Variants in BMP2K observed in about 807,000 individuals in gnomAD.
BMP2K encodes BMP-2-inducible protein kinase.
BMP2K carries 74 observed loss-of-function variants against 116.0 expected under a neutral mutation model. That is an observed-to-expected ratio of 0.64 (90% CI 0.53 to 0.77). The LOEUF (loss-of-function observed/expected upper bound fraction) is 0.77. BMP2K is among the 30% of genes least tolerant of loss of function. The probability of loss-of-function intolerance (pLI) is 0.00; values close to 1 mark genes in which losing one functional copy is unlikely to be tolerated. For synonymous variants in BMP2K, 486 were observed against 502.5 expected (o/e 0.97, Z 0.44); for missense variants, 1,365 against 1,403.6 (o/e 0.97, Z 0.44).
At chr4:78,861,761 G>A (rs1163592755) in intron 9 of BMP2K, among the ~76,000 whole-genome samples, 1 of 151,790 alleles carries the variant, frequency 6.6e-6, no homozygotes, top group Non-Finnish European at 1.5e-5. Flanking sequence ...TCATCACATA[G>A]CAACTCTAGT....
At chr4:78,823,354 TG>T (rs1729711798) in intron 1 of BMP2K, among the ~76,000 whole-genome samples, 1 of 151,892 alleles carries the variant, frequency 6.6e-6, no homozygotes, top group Non-Finnish European at 1.5e-5. Flanking sequence ...CTACATAACT[TG>T]GTTGTGCATC....
chr4:78,856,607 A>G (rs1731516552), intron 7 of BMP2K, among the ~76,000 whole-genome samples: 1 of 152,046 alleles, frequency 6.6e-6, no homozygotes, highest in Non-Finnish European at 1.5e-5. Context: ...TTTAGGTATG[A>G]TTATTCATCT....
At chr4:78,851,671 C>T (rs1250336154) in intron 7 of BMP2K, among the ~76,000 whole-genome samples, 1 of 151,434 alleles carries the variant, frequency 6.6e-6, no homozygotes, top group Non-Finnish European at 1.5e-5. Context: ...ATGAAGATGG[C>T]AGTTCAACTT....
At chr4:78,817,147 A>G (rs1041830293) in intron 1 of BMP2K, among the ~76,000 whole-genome samples, 1 of 152,240 alleles carries the variant, frequency 6.6e-6, no homozygotes, top group Non-Finnish European at 1.5e-5. Context: ...TAAGCAGAAG[A>G]TAAAATACAT....
chr4:78,864,853 T>G (rs1432106712), intron 9 of BMP2K, among the ~76,000 whole-genome samples: 1 of 152,204 alleles, frequency 6.6e-6, no homozygotes. Flanking sequence ...GATAAATATA[T>G]AAATATTTTA....
intron 1 of BMP2K, among the ~76,000 whole-genome samples, chr4:78,805,015 A>G (rs1728749297): frequency 6.6e-6 from 1 of 152,148 alleles, no homozygotes; most frequent in South Asian, 2.1e-4. Flanking sequence ...ATTTACACCT[A>G]TGTTTTCCTC....
At chr4:78,794,776 T>A (rs973083543) in intron 1 of BMP2K, among the ~76,000 whole-genome samples, 1 of 152,176 alleles carries the variant, frequency 6.6e-6, no homozygotes, top group Non-Finnish European at 1.5e-5. Flanking sequence ...TTTTCCAGGT[T>A]GGTCTTGAAC....
At chr4:78,888,620 T>G (rs1040924484) in intron 15 of BMP2K, among the ~76,000 whole-genome samples, 4 of 152,248 alleles carry the variant, frequency 2.6e-5, no homozygotes, top group African/African-American at 4.8e-5. Flanking sequence ...AGAACTGAAG[T>G]AAGCTTCAGT....
chr4:78,909,054 TC>T (rs1298838658), intron 15 of BMP2K, among the ~76,000 whole-genome samples: 12 of 139,674 alleles, frequency 8.6e-5, no homozygotes, highest in Admixed American at 4.2e-4. Flanking sequence ...CTTCCCTTAG[TC>T]TTTTTTTTTT....
chr4:78,802,093 T>G (rs574941855), intron 1 of BMP2K, among the ~76,000 whole-genome samples: 1 of 152,252 alleles, frequency 6.6e-6, no homozygotes, highest in Non-Finnish European at 1.5e-5. Flanking sequence ...TTGCTCGATA[T>G]AGACTTCTCT....
At position 78,910,929 on chromosome 4, in the gene BMP2K, G is replaced by A. The variant is rs771449440; in HGVS notation, c.2382G>A (p.Glu794=). 5.6e-6 allele frequency: 9 copies of A among 1,613,786 alleles called. No individual in the cohort carries two copies. In the South Asian group the frequency reaches 9.9e-5, roughly 18 times the overall value. The change falls in exon 16 of 16, where the codon GAG becomes GAA. Residue 794 remains glutamate (E), a synonymous_variant. Coordinates refer to ENST00000502613, the MANE Select transcript of BMP2K (RefSeq NM_198892.2). ...CTCTCCTCATGGATTCTGAAGATGA[G>A]GAAGAAGAGGAGAAACATAGCTCTG... is the stretch of plus-strand genomic sequence containing the variant. ...HRPLLMDSED[E]EEEEKHSSDS... is the part of the protein sequence containing the mutation.
chr4:78,885,235 C>G (rs1733019176), intron 14 of BMP2K, among the ~76,000 whole-genome samples: 1 of 152,194 alleles, frequency 6.6e-6, no homozygotes, highest in Non-Finnish European at 1.5e-5. Flanking sequence ...CAGAGTTCAT[C>G]TTAGCTGTAA....
intron 13 of BMP2K, 91 bp downstream of exon 13, chr4:78,872,889 T>G: frequency 7.5e-7 from 1 of 1,332,592 alleles, no homozygotes; most frequent in Non-Finnish European, 1.0e-6. Flanking sequence ...TTAAATTAGT[T>G]TAGAATTTAT....
intron 5 of BMP2K, among the ~76,000 whole-genome samples, chr4:78,846,718 A>G (rs1280976846): frequency 6.6e-6 from 1 of 151,640 alleles, no homozygotes; most frequent in Non-Finnish European, 1.5e-5. Context: ...AACTCAAAAG[A>G]GATTTACTAC....
At chr4:78,900,694 A>G (rs1368526127) in intron 15 of BMP2K, among the ~76,000 whole-genome samples, 2 of 152,242 alleles carry the variant, frequency 1.3e-5, no homozygotes, top group Admixed American at 1.3e-4. Flanking sequence ...TAGAAAGATT[A>G]GCTGAATATA....
rs1560565980 is a variant in BMP2K, at chr4:78,916,206, TA to T, written c.*4174del. 1.3e-5 allele frequency: 2 copies of T among 151,968 alleles called. No individual in the cohort carries two copies. The highest frequency in any genetic ancestry group is 1.3e-4 in the Admixed American group (2 of 15,206). 9.4% of individuals were successfully genotyped at this position (151,968 alleles called of 1,614,324 possible). On this transcript the variant is annotated 3_prime_UTR_variant, in exon 16 of 16. Transcript: ENST00000502613. ...TAAGCACTAACTGATTTTATTACTTTATTGCCTTTACACTGCTTATTCTTTT... is the reference window on the plus strand; with the variant it reads ...TAAGCACTAACTGATTTTATTACTTTTTGCCTTTACACTGCTTATTCTTTT...
chr4:78,911,873 A>G lies in BMP2K; in HGVS notation c.3326A>G (p.His1109Arg). 1.2e-6 allele frequency: 2 copies of G among 1,613,972 alleles called. No individual in the cohort carries two copies. The highest frequency in any genetic ancestry group is 1.7e-6 in the Non-Finnish European group (2 of 1,179,880). Residue 1109 changes from histidine (H) to arginine (R), a missense_variant, in exon 16 of 16, where the codon CAT (histidine) becomes CGT (arginine). By Grantham distance (29) the His-to-Arg change is conservative (BLOSUM62 0). Transcript: ENST00000502613. Reference sequence around the variant, plus strand: ...GGGCGGCCAAGACAAAATTCACTACATGGGTCATTCCATAGTGCAGATGTA... The same window carrying G: ...GGGCGGCCAAGACAAAATTCACTACGTGGGTCATTCCATAGTGCAGATGTA... ...LPGRPRQNSL[H>R]GSFHSADVLK... is the part of the protein sequence containing the mutation.
intron 10 of BMP2K, among the ~76,000 whole-genome samples, chr4:78,866,005 G>A (rs895338378): frequency 1.3e-5 from 2 of 152,116 alleles, no homozygotes; most frequent in Non-Finnish European, 2.9e-5. Context: ...AACTAATAGG[G>A]TTTGAGGTTG....
In BMP2K at chr4:78,796,563, T is replaced by C. The variant is rs527412624; in HGVS notation, c.178+19842T>C. Among the ~76,000 whole-genome samples, 7 of 152,278 alleles carry C rather than the reference T, an allele frequency of 4.6e-5. No individual in the cohort carries two copies. In the East Asian group the frequency reaches 1.2e-3, roughly 25 times the overall value. ...ATAAAAAAGAGTTGCAGATGCTCTTTAGGAAATCTGGTGGAAGAGGTGAGG... is the reference window on the plus strand; with the variant it reads ...ATAAAAAAGAGTTGCAGATGCTCTTCAGGAAATCTGGTGGAAGAGGTGAGG... On this transcript the variant is annotated intron_variant, in intron 1 of 15. Transcript: ENST00000502613.
Sources: gnomAD v4.1 joint callset for allele counts (sites outside exome capture counted in the v4.1 genomes callset) on GRCh38, gnomAD v4.1.1 for gene constraint, MANE v1.5 for transcripts, NCBI Gene and HGNC (gene_info 2026-07-23, HGNC 2026-07-21) for gene names.